Variants in MARK1 observed in about 807,000 individuals in gnomAD.
MARK1 encodes the protein microtubule affinity regulating kinase 1, also known as serine/threonine-protein kinase MARK1.
Under a neutral mutation model 96.3 loss-of-function variants are expected in MARK1, and 40 were observed. The ratio of observed to expected loss-of-function variants is 0.42; its 90% CI spans 0.32 to 0.54. The LOEUF (loss-of-function observed/expected upper bound fraction) is 0.54. MARK1 is among the 20% of genes least tolerant of loss of function. The pLI is 0.16. For synonymous variants in MARK1, 317 were observed against 341.2 expected (o/e 0.93, Z 0.78); for missense variants, 719 against 984.6 (o/e 0.73, Z 3.61).
At chr1:220,558,710 A>G (rs540369683) in intron 1 of MARK1, among the ~76,000 whole-genome samples, 1 of 152,202 alleles carries the variant, frequency 6.6e-6, no homozygotes, top group East Asian at 1.9e-4. Flanking sequence ...AAAAATTGAT[A>G]TATTTATAAA....
chr1:220,648,115 CT>C (rs1558322601), intron 13 of MARK1, among the ~76,000 whole-genome samples: 1 of 151,054 alleles, frequency 6.6e-6, no homozygotes. Flanking sequence ...GAAGAGATTT[CT>C]TTTAGGAAGA....
At chr1:220,530,165 A>G (rs1403911288) in intron 1 of MARK1, among the ~76,000 whole-genome samples, 2 of 152,204 alleles carry the variant, frequency 1.3e-5, no homozygotes, top group African/African-American at 2.4e-5. Flanking sequence ...CTAAGAGACC[A>G]TTGTTAGAGG....
chr1:220,625,398 A>T (rs746506376), intron 9 of MARK1, among the ~76,000 whole-genome samples: 1 of 152,192 alleles, frequency 6.6e-6, no homozygotes, highest in Non-Finnish European at 1.5e-5. Context: ...AACAAACCAG[A>T]CATGGATCAT....
chr1:220,624,462 G>A (rs986851706), intron 9 of MARK1, among the ~76,000 whole-genome samples: 2 of 151,782 alleles, frequency 1.3e-5, no homozygotes, highest in Non-Finnish European at 2.9e-5. Flanking sequence ...AGCCAGGCAT[G>A]GTGCCCATGC....
chr1:220,534,703 A>G (rs1215248198), intron 1 of MARK1, among the ~76,000 whole-genome samples: 2 of 152,130 alleles, frequency 1.3e-5, no homozygotes, highest in African/African-American at 4.8e-5. Flanking sequence ...AGACCCTGGC[A>G]ACCACCATTC....
At chr1:220,631,951 A>T (rs902028132) in intron 10 of MARK1, among the ~76,000 whole-genome samples, 1 of 152,312 alleles carries the variant, frequency 6.6e-6, no homozygotes, top group African/African-American at 2.4e-5. Context: ...GTATTAGGCA[A>T]TGAGAAATTA....
intron 3 of MARK1, among the ~76,000 whole-genome samples, 182 bp downstream of exon 3, chr1:220,581,300 C>G (rs1329433682): frequency 6.6e-6 from 1 of 152,062 alleles, no homozygotes; most frequent in East Asian, 1.9e-4. Context: ...TGAAAACTAT[C>G]TACTACTTAA....
chr1:220,530,645 C>T (rs1018289810), intron 1 of MARK1, among the ~76,000 whole-genome samples: 1 of 152,020 alleles, frequency 6.6e-6, no homozygotes, highest in Non-Finnish European at 1.5e-5. Flanking sequence ...TAAGGAATAG[C>T]ACAAAATGCA....
intron 1 of MARK1, among the ~76,000 whole-genome samples, chr1:220,562,712 A>G (rs1662756184): frequency 1.3e-5 from 2 of 152,160 alleles, no homozygotes; most frequent in South Asian, 4.1e-4. Context: ...AAGTCCCTTT[A>G]TATAATATGG....
chr1:220,626,089 G>C (rs1667314510), intron 9 of MARK1: 1 of 605,994 alleles, frequency 1.7e-6, no homozygotes, highest in African/African-American at 1.8e-5. Context: ...TGGCTCTCTG[G>C]CAAGTGCTGT....
intron 9 of MARK1, among the ~76,000 whole-genome samples, chr1:220,624,743 T>A (rs1369323574): frequency 6.6e-6 from 1 of 152,202 alleles, no homozygotes; most frequent in Non-Finnish European, 1.5e-5. Flanking sequence ...TAAATACAAC[T>A]TAACTGAGAA....
intron 11 of MARK1, among the ~76,000 whole-genome samples, chr1:220,633,617 C>G (rs1293411647): frequency 6.6e-6 from 1 of 152,174 alleles, no homozygotes; most frequent in East Asian, 1.9e-4. Context: ...ACAGCATACT[C>G]TGGGAGCATA....
chr1:220,595,215 G>A (rs1665254091), intron 3 of MARK1, among the ~76,000 whole-genome samples: 1 of 152,184 alleles, frequency 6.6e-6, no homozygotes, highest in African/African-American at 2.4e-5. Context: ...GTATATGTAT[G>A]TATGTATATG....
At chr1:220,603,989 GA>G in intron 5 of MARK1, 77 bp from the exon 6 acceptor site, 1 of 831,428 alleles carries the variant, frequency 1.2e-6, no homozygotes, top group Non-Finnish European at 1.8e-6. Flanking sequence ...TATAAACAAG[GA>G]AAAAACTTGA....
intron 13 of MARK1, among the ~76,000 whole-genome samples, chr1:220,638,004 T>C (rs577740810): frequency 6.6e-6 from 1 of 152,306 alleles, no homozygotes; most frequent in Admixed American, 6.5e-5. Flanking sequence ...GATTAGATTA[T>C]CACCTTTTAG....
chr1:220,552,379 T>C (rs1393009475), intron 1 of MARK1, among the ~76,000 whole-genome samples: 3 of 152,170 alleles, frequency 2.0e-5, no homozygotes, highest in African/African-American at 4.8e-5. Flanking sequence ...ACAGGAGAAA[T>C]AGCACCATAT....
At chr1:220,644,636 T>A (rs1043561911) in intron 13 of MARK1, among the ~76,000 whole-genome samples, 1 of 152,072 alleles carries the variant, frequency 6.6e-6, no homozygotes, top group South Asian at 2.1e-4. Context: ...ACATTTTTCT[T>A]GGTGCCATGT....
chr1:220,631,064 T>G lies in MARK1; in HGVS notation c.939T>G (p.Val313=), dbSNP rs1400702640. ...EQIMKDRWMN[V]GHEEEELKPY... ...TAATGAAAGATCGATGGATGAATGT[T>G]GGTCATGAAGAGGAAGAACTAAAGC... Residue 313 remains valine, a synonymous_variant, in exon 10 of 18, where the codon GTT becomes GTG. Transcript: ENST00000366917. The G allele has an allele frequency of 6.2e-7, 1 of 1,612,770 alleles. No individual in the cohort carries two copies. Among genetic ancestry groups the G allele is most frequent in the Non-Finnish European group, 8.5e-7 (1 of 1,179,024 alleles).
At chr1:220,594,059 T>C (rs1193391037) in intron 3 of MARK1, among the ~76,000 whole-genome samples, 1 of 152,210 alleles carries the variant, frequency 6.6e-6, no homozygotes, top group Non-Finnish European at 1.5e-5. Context: ...ACCCTTTCTC[T>C]GATGTGACAA....
Sources: allele counts gnomAD v4.1 joint callset (sites outside exome capture counted in the v4.1 genomes callset), GRCh38; gene constraint gnomAD v4.1.1; transcripts MANE v1.5; gene names NCBI Gene and HGNC (gene_info 2026-07-23, HGNC 2026-07-21).